Variants in PTPRN2 observed in about 807,000 individuals in gnomAD.
The protein encoded by PTPRN2 is protein tyrosine phosphatase receptor type N2.
A neutral mutation model predicts 118.8 loss-of-function variants in PTPRN2; 74 were observed. That is an observed-to-expected ratio of 0.62 (90% CI 0.52 to 0.76). The LOEUF is 0.76. PTPRN2 is among the 30% of genes least tolerant of loss of function. The pLI, the probability that PTPRN2 is intolerant of heterozygous loss-of-function variation, is 0.00. For missense variants in PTPRN2, 1,481 were observed against 1,394.4 expected, an observed-to-expected ratio of 1.06 and a Z score of -0.99; for synonymous variants, 641 against 608.0, an observed-to-expected ratio of 1.05 and a Z score of -0.80.
intron 9 of PTPRN2, among the ~76,000 whole-genome samples, chr7:158,116,762 C>T (rs1306308140): frequency 1.3e-5 from 2 of 152,118 alleles, no homozygotes; most frequent in Non-Finnish European, 2.9e-5. Flanking sequence ...TCTTTTTCCG[C>T]TTTTGGGAGC....
chr7:158,090,421 AC>A (rs1814021842), intron 10 of PTPRN2, among the ~76,000 whole-genome samples: 3 of 152,274 alleles, frequency 2.0e-5, no homozygotes, highest in African/African-American at 4.8e-5. Flanking sequence ...AAATAAGGAA[AC>A]CATATATGTT....
At chr7:158,535,518 T>C (rs1192163080) in intron 1 of PTPRN2, among the ~76,000 whole-genome samples, 1 of 152,130 alleles carries the variant, frequency 6.6e-6, no homozygotes, top group Non-Finnish European at 1.5e-5. Context: ...GCGGCTGGAC[T>C]ATTTGTCAAC....
At chr7:157,871,449 A>G (rs1382213834) in intron 12 of PTPRN2, among the ~76,000 whole-genome samples, 1 of 152,130 alleles carries the variant, frequency 6.6e-6, no homozygotes, top group East Asian at 1.9e-4. Flanking sequence ...GTGAGAGTCC[A>G]AAAGCTTCCT....
At chr7:157,744,379 G>A (rs779916398) in intron 12 of PTPRN2, among the ~76,000 whole-genome samples, 8 of 152,114 alleles carry the variant, frequency 5.3e-5, no homozygotes, top group African/African-American at 9.7e-5. Context: ...CTGGGGACCC[G>A]ACCTGGCGCC....
chr7:158,368,663 T>TG (rs1379807826), intron 2 of PTPRN2, among the ~76,000 whole-genome samples: 2 of 152,272 alleles, frequency 1.3e-5, no homozygotes, highest in East Asian at 1.9e-4. Flanking sequence ...ACAGAGCAGC[T>TG]GGGGGGCTCC....
intron 12 of PTPRN2, among the ~76,000 whole-genome samples, chr7:157,827,413 T>C (rs898774884): frequency 4.9e-5 from 3 of 61,546 alleles, no homozygotes; most frequent in Non-Finnish European, 1.4e-4. Flanking sequence ...CACAACACAG[T>C]GTGGGCCGTG....
At chr7:157,965,332 C>T (rs1199326127) in intron 11 of PTPRN2, among the ~76,000 whole-genome samples, 1 of 152,162 alleles carries the variant, frequency 6.6e-6, no homozygotes, top group African/African-American at 2.4e-5. Flanking sequence ...TAGCCCTTTC[C>T]TGATAGCACA....
At chr7:158,048,028 G>A (rs991018760) in intron 11 of PTPRN2, among the ~76,000 whole-genome samples, 1 of 152,062 alleles carries the variant, frequency 6.6e-6, no homozygotes, top group Non-Finnish European at 1.5e-5. Context: ...ACAGGGACAG[G>A]GGACCCGATG....
intron 2 of PTPRN2, among the ~76,000 whole-genome samples, chr7:158,432,145 C>T (rs1007368530): frequency 9.2e-5 from 14 of 152,200 alleles, no homozygotes; most frequent in South Asian, 2.1e-4. Flanking sequence ...TCAGAGTTCT[C>T]GCTGGACCTT....
chr7:158,174,734 C>A (rs1195169422), intron 5 of PTPRN2, among the ~76,000 whole-genome samples: 1 of 152,168 alleles, frequency 6.6e-6, no homozygotes, highest in African/African-American at 2.4e-5. Flanking sequence ...GTCAGAAAAG[C>A]AATCCTGGTT....
At chr7:157,775,701 G>A (rs544824069) in intron 12 of PTPRN2, among the ~76,000 whole-genome samples, 17 of 152,244 alleles carry the variant, frequency 1.1e-4, no homozygotes, top group East Asian at 9.7e-4. Context: ...GAGCCTGGAC[G>A]GAAGCTCCAC....
chr7:157,865,291 C>G (rs559089186), intron 12 of PTPRN2: 2 of 152,254 alleles, frequency 1.3e-5, no homozygotes, highest in Non-Finnish European at 2.9e-5. Context: ...AACGAGGAAT[C>G]GGCTTCTGCT....
intron 11 of PTPRN2, among the ~76,000 whole-genome samples, chr7:157,959,593 A>G (rs1228042913): frequency 6.6e-6 from 1 of 152,188 alleles, no homozygotes; most frequent in Non-Finnish European, 1.5e-5. Context: ...TGAGCTGTTC[A>G]ACATCACCAG....
chr7:158,491,321 GGCCTGCCCAGCCAGT>G (rs1242342920), intron 1 of PTPRN2, among the ~76,000 whole-genome samples: 3 of 152,140 alleles, frequency 2.0e-5, no homozygotes, highest in African/African-American at 4.8e-5. Flanking sequence ...GTGCAGCCCT[GGCCTGCCCAGCCAGT>G]GCCTGCCCAG....
intron 5 of PTPRN2, among the ~76,000 whole-genome samples, chr7:158,170,613 G>T (rs1387783475): frequency 6.6e-6 from 1 of 152,202 alleles, no homozygotes; most frequent in South Asian, 2.1e-4. Flanking sequence ...ATCGGTTTTT[G>T]CAAGCCACTC....
At chr7:157,719,481 C>T (rs575940505) in intron 12 of PTPRN2, among the ~76,000 whole-genome samples, 12 of 152,362 alleles carry the variant, frequency 7.9e-5, no homozygotes, top group African/African-American at 2.4e-4. Context: ...CAGGACAGCC[C>T]GGCTCCGGCC....
chr7:157,846,934 T>C (rs1808862283), intron 12 of PTPRN2, among the ~76,000 whole-genome samples: 1 of 150,096 alleles, frequency 6.7e-6, no homozygotes, highest in Non-Finnish European at 1.5e-5. Context: ...TACAGAGCCC[T>C]CTCTCACTCC....
chr7:158,154,114 G>A (rs374409821), intron 6 of PTPRN2, among the ~76,000 whole-genome samples: 18 of 152,216 alleles, frequency 1.2e-4, no homozygotes, highest in Admixed American at 5.2e-4. Flanking sequence ...CAGGTGGGAT[G>A]AGAGTCCTGC....
intron 2 of PTPRN2, among the ~76,000 whole-genome samples, chr7:158,343,809 C>T (rs547754785): frequency 1.4e-3 from 215 of 151,352 alleles, no homozygotes; most frequent in African/African-American, 4.7e-3. Flanking sequence ...GAGGCTCAGG[C>T]AGCCATGCTC....
Sources: allele counts gnomAD v4.1 joint callset (sites outside exome capture counted in the v4.1 genomes callset), GRCh38; gene constraint gnomAD v4.1.1; transcripts MANE v1.5; gene names NCBI Gene and HGNC (gene_info 2026-07-23, HGNC 2026-07-21).